Variants in FANCL observed in about 807,000 individuals in gnomAD.
FANCL encodes the protein E3 ubiquitin-protein ligase FANCL.
A neutral mutation model predicts 59.4 loss-of-function variants in FANCL; 69 were observed. The ratio of observed to expected loss-of-function variants is 1.16; its 90% CI spans 0.96 to 1.42. The LOEUF is 1.42. Among genes scored for constraint, FANCL ranks in the 40% most tolerant of loss-of-function variants. The probability of loss-of-function intolerance (pLI) is 0.00; values close to 1 mark genes in which losing one functional copy is unlikely to be tolerated. For synonymous variants in FANCL, 180 were observed against 147.1 expected, an observed-to-expected ratio of 1.22 and a Z score of -1.62; for missense variants, 519 against 447.2, an observed-to-expected ratio of 1.16 and a Z score of -1.45.
Position 58,241,252 on chromosome 2 carries a change from G to C in FANCL, c.62C>G (p.Ser21Trp), listed in dbSNP as rs542395849. ...QCPLLLPQNR[S>W]KTVYEGFISA... is the part of the protein sequence containing the mutation. ...GATGAATCCCTCATACACGGTTTTC[G>C]ACCGGTTCTGGGGCAGAAGCAGGGG... Residue 21 changes from serine (S) to tryptophan (W), a missense_variant, in exon 1 of 14, where the codon TCG becomes TGG. Ser to Trp is a radical substitution (Grantham distance 177). Transcript: ENST00000233741. 41 of 1,614,254 alleles carry C rather than the reference G, an allele frequency of 2.5e-5. No homozygotes were observed. In the South Asian group the frequency reaches 4.1e-4, roughly 16 times the overall value.
chr2:58,219,508 G>A (rs191626863), intron 5 of FANCL, among the ~76,000 whole-genome samples: 229 of 151,894 alleles, frequency 1.5e-3, no homozygotes, highest in Middle Eastern at 3.4e-3. Flanking sequence ...AAAGAGTAAA[G>A]TGTGGAGAGA....
In FANCL at chr2:58,233,416, T is replaced by G. The variant is rs1693753065; in HGVS notation, c.97-1304A>C. 3.3e-5 allele frequency among the ~76,000 whole-genome samples: 5 copies of G among 152,046 alleles called. No homozygotes were observed. The South Asian group carries it at 1.0e-3, about 31-fold the overall frequency. ...TTTTTAGTTAAAGTATCTAGAAATATTAATTGTTCTCAAAAAAGCCAGATT... is the reference window on the plus strand; with the variant it reads ...TTTTTAGTTAAAGTATCTAGAAATAGTAATTGTTCTCAAAAAAGCCAGATT... On this transcript the variant is annotated intron_variant, in intron 1 of 13. Coordinates refer to ENST00000233741, the MANE Select transcript of FANCL (RefSeq NM_018062.4).
At chr2:58,162,980 A>G in intron 10 of FANCL, 33 bp from the exon 11 acceptor site, 1 of 1,612,350 alleles carries the variant, frequency 6.2e-7, no homozygotes, top group Non-Finnish European at 8.5e-7. Context: ...TATGCTGTGA[A>G]CTTTGTAAAA....
At chr2:58,174,482 A>T (rs928825412) in intron 7 of FANCL, among the ~76,000 whole-genome samples, 7 of 152,164 alleles carry the variant, frequency 4.6e-5, no homozygotes, top group Non-Finnish European at 1.0e-4. Flanking sequence ...GGATTAAGAA[A>T]CTCACTCAAA....
Position 58,163,436 on chromosome 2 carries a change from TG to T in FANCL, c.772del (p.His258MetfsTer3). On this transcript the variant is annotated frameshift_variant, in exon 9 of 14. Coordinates refer to ENST00000233741, the MANE Select transcript of FANCL (RefSeq NM_018062.4). LOFTEE classifies it high-confidence loss of function. Reference protein sequence around the residue: ...LPECFFLGADHVVKPLGIKLS... With the variant: ...LPECFFLGADXVVKPLGIKLS... ...CGTTTAAATCTCAGATGTCATACCA[TG>T]GTCAGCTCCAAGAAAGAAGCACTCA... is the stretch of plus-strand genomic sequence containing the variant. 6.2e-7 allele frequency: 1 copy of T among 1,603,920 alleles called. No homozygotes were observed. The highest frequency in any genetic ancestry group is 8.5e-7 in the Non-Finnish European group (1 of 1,171,002).
chr2:58,214,353 C>A (rs537084200), intron 5 of FANCL, among the ~76,000 whole-genome samples: 3 of 152,262 alleles, frequency 2.0e-5, no homozygotes, highest in Non-Finnish European at 4.4e-5. Context: ...TCACAAAACA[C>A]TTACTCCATA....
chr2:58,162,783 TCAGCCTCA>T, intron 11 of FANCL, 75 bp downstream of exon 11: 1 of 1,228,856 alleles, frequency 8.1e-7, no homozygotes. Context: ...CCCTCCTTTT[TCAGCCTCA>T]TTTTTCACTG....
chr2:58,217,164 TTTTATATA>T (rs1691835990), intron 5 of FANCL, among the ~76,000 whole-genome samples: 1 of 54,206 alleles, frequency 1.8e-5, no homozygotes, highest in Non-Finnish European at 3.4e-5. Flanking sequence ...TATTTATATA[TTTTATATA>T]TATATATATA....
intron 7 of FANCL, among the ~76,000 whole-genome samples, chr2:58,191,142 A>C (rs1003944458): frequency 4.0e-5 from 6 of 151,866 alleles, no homozygotes; most frequent in African/African-American, 1.4e-4. Flanking sequence ...AAAAAAATTC[A>C]AATAGACATA....
intron 5 of FANCL, among the ~76,000 whole-genome samples, chr2:58,220,145 C>CA (rs1474904959): frequency 6.6e-6 from 1 of 152,188 alleles, no homozygotes; most frequent in Non-Finnish European, 1.5e-5. Context: ...AAGGTTTTAA[C>CA]AGTTGAAATC....
In FANCL at chr2:58,159,883, A is replaced by AAT. The variant is rs1392243263; in HGVS notation, c.1093-85_1093-84dup. 3.8e-5 allele frequency: 60 copies of AAT among 1,589,614 alleles called. No individual in the cohort carries two copies. In the African/African-American group the frequency reaches 6.8e-4, roughly 18 times the overall value. ...CTTTGTACTAGAAATAGTGTCATAG[A>AAT]ATAGTGTCATAGTACAGTTTGGAAA... On this transcript the variant is annotated intron_variant, in intron 13 of 13. Coordinates refer to ENST00000233741, the MANE Select transcript of FANCL (RefSeq NM_018062.4).
intron 11 of FANCL, among the ~76,000 whole-genome samples, chr2:58,162,555 T>G (rs1482727242): frequency 2.6e-5 from 4 of 151,786 alleles, no homozygotes; most frequent in African/African-American, 9.7e-5. Flanking sequence ...GCAGAACCTG[T>G]GTTTATGTGA....
At chr2:58,213,495 C>T (rs1383281937) in intron 5 of FANCL, 1 of 152,190 alleles carries the variant, frequency 6.6e-6, no homozygotes, top group African/African-American at 2.4e-5. Context: ...TCCATGCACA[C>T]CACTTCTCTT....
intron 7 of FANCL, among the ~76,000 whole-genome samples, chr2:58,190,332 T>C (rs750994405): frequency 5.3e-5 from 8 of 151,974 alleles, no homozygotes; most frequent in African/African-American, 1.9e-4. Context: ...TCACCTCATG[T>C]GTAGCCATCA....
chr2:58,180,970 C>T (rs1200614757), intron 7 of FANCL, among the ~76,000 whole-genome samples: 2 of 152,038 alleles, frequency 1.3e-5, no homozygotes, highest in African/African-American at 4.8e-5. Context: ...TGTCAGTGCG[C>T]ATGTAAATGG....
At chr2:58,233,845 C>T (rs1421270078) in intron 1 of FANCL, among the ~76,000 whole-genome samples, 2 of 151,926 alleles carry the variant, frequency 1.3e-5, no homozygotes, top group Admixed American at 6.6e-5. Context: ...GGAAAGAATG[C>T]TTTAGAGGCA....
chr2:58,174,261 T>C (rs1324258789), intron 7 of FANCL, among the ~76,000 whole-genome samples: 1 of 152,136 alleles, frequency 6.6e-6, no homozygotes, highest in African/African-American at 2.4e-5. Flanking sequence ...TACCCAGGAA[T>C]TGAACTCAGC....
intron 12 of FANCL, 53 bp from the exon 13 acceptor site, chr2:58,160,232 A>G (rs1684924546): frequency 4.0e-6 from 6 of 1,516,640 alleles, no homozygotes; most frequent in Non-Finnish European, 5.5e-6. Context: ...CAAATTACAG[A>G]TACTCCAAAT....
intron 4 of FANCL, among the ~76,000 whole-genome samples, chr2:58,223,343 G>C (rs1255803742): frequency 6.6e-6 from 1 of 151,908 alleles, no homozygotes; most frequent in Non-Finnish European, 1.5e-5. Flanking sequence ...TATGAAGATT[G>C]TGCTCTACTA....
Sources: gnomAD v4.1 joint callset for allele counts (sites outside exome capture counted in the v4.1 genomes callset) on GRCh38, gnomAD v4.1.1 for gene constraint, MANE v1.5 for transcripts, NCBI Gene and HGNC (gene_info 2026-07-23, HGNC 2026-07-21) for gene names.